Variants in DENND2B observed in about 807,000 individuals in gnomAD.
The protein encoded by DENND2B is DENN domain-containing protein 2B.
In DENND2B, 32 loss-of-function variants were observed where a neutral mutation model predicts 116.0. That is an observed-to-expected ratio of 0.28 (90% CI 0.21 to 0.37). DENND2B has a LOEUF of 0.37. Among genes scored for constraint, DENND2B ranks in the 10% least tolerant of loss-of-function variants. The pLI is 1.00. For missense variants in DENND2B, 1,276 were observed against 1,477.7 expected, an observed-to-expected ratio of 0.86 and a Z score of 2.24; for synonymous variants, 588 against 583.9, an observed-to-expected ratio of 1.01 and a Z score of -0.10.
chr11:8,827,445 C>T (rs868512449), intron 4 of DENND2B, among the ~76,000 whole-genome samples: 32 of 152,216 alleles, frequency 2.1e-4, no homozygotes, highest in African/African-American at 7.5e-4. Flanking sequence ...AAGATTATAG[C>T]CACTCATCTC....
At chr11:8,761,857 C>T (rs758513219) in intron 1 of DENND2B, among the ~76,000 whole-genome samples, 6 of 152,164 alleles carry the variant, frequency 3.9e-5, no homozygotes, top group Non-Finnish European at 7.3e-5. Flanking sequence ...AGATAGCTTA[C>T]GGAGACTACT....
At chr11:8,701,347 G>C (rs1372338031) in intron 14 of DENND2B, among the ~76,000 whole-genome samples, 4 of 44,348 alleles carry the variant, frequency 9.0e-5, no homozygotes, top group African/African-American at 1.7e-4. Flanking sequence ...CAGCTTCCGG[G>C]GGGGGGGGGG....
chr11:8,696,782 T>C, intron 17 of DENND2B, 116 bp from the exon 18 acceptor site: 4 of 1,466,912 alleles, frequency 2.7e-6, no homozygotes, highest in Non-Finnish European at 3.7e-6. Context: ...ACCACTCTTC[T>C]GTTCTGGAAG....
intron 1 of DENND2B, among the ~76,000 whole-genome samples, chr11:8,902,119 A>G (rs2064177690): frequency 6.6e-6 from 1 of 152,054 alleles, no homozygotes; most frequent in African/African-American, 2.4e-5. Flanking sequence ...TGAGGTCAGG[A>G]GTTCAAGACC....
At chr11:8,720,249 T>TTCCATCCTTCCCTCC (rs2045925834) in intron 4 of DENND2B, among the ~76,000 whole-genome samples, 1 of 152,154 alleles carries the variant, frequency 6.6e-6, no homozygotes, top group Admixed American at 6.5e-5. Context: ...CCTCTTTTTT[T>TTCCATCCTTCCCTCC]TCCATCCTTC....
At chr11:8,810,806 G>GTCTCTCTCTCTCTCTCTCTCTCTCTC (rs34550908), upstream of DENND2B, 21 of 140,316 alleles carry the variant, frequency 1.5e-4, 1 homozygote, top group African/African-American at 5.8e-4. Context: ...CTTTCTCACT[G>GTCTCTCTCTCTCTCTCTCTCTCTCTC]TCTCTCTCTC....
intron 3 of DENND2B, among the ~76,000 whole-genome samples, chr11:8,840,325 C>T (rs1315646752): frequency 6.6e-6 from 1 of 152,082 alleles, no homozygotes; most frequent in East Asian, 1.9e-4. Context: ...AATTCCAGGG[C>T]ACCAAGACCA....
chr11:8,798,635 GA>G (rs989243758), intron 1 of DENND2B, among the ~76,000 whole-genome samples: 1 of 151,976 alleles, frequency 6.6e-6, no homozygotes, highest in Non-Finnish European at 1.5e-5. Flanking sequence ...AAGAAGTCTG[GA>G]TATCACTGCT....
chr11:8,730,187 C>T lies in DENND2B; in HGVS notation c.1103G>A (p.Ser368Asn). Reference protein sequence around the residue: ...GSTKPGTPGNSPSSQRLPSKS... With the variant: ...GSTKPGTPGNNPSSQRLPSKS... Reference sequence around the variant, plus strand: ...CGATGGCAGCCGCTGGGAGCTAGGGCTATTTCCAGGGGTCCCGGGCTTAGT... The same window carrying T: ...CGATGGCAGCCGCTGGGAGCTAGGGTTATTTCCAGGGGTCCCGGGCTTAGT... The change falls in exon 3 of 20, where the codon AGC (serine) becomes AAC (asparagine). Residue 368 changes from serine to asparagine, a missense_variant. Ser to Asn is a conservative substitution (Grantham distance 46). Transcript: ENST00000313726. The surrounding 1 kb of genome is among the most constrained non-coding windows in gnomAD (Gnocchi z 4.1). The T allele has an allele frequency of 6.2e-7, 1 of 1,613,868 alleles. No individual in the cohort carries two copies. Among genetic ancestry groups the T allele is most frequent in the Non-Finnish European group, 8.5e-7 (1 of 1,179,824 alleles).
In DENND2B at chr11:8,731,179, G is replaced by C; in HGVS notation, c.111C>G (p.Leu37=). 1 of 1,528,474 alleles carries C rather than the reference G, an allele frequency of 6.5e-7. No individual in the cohort carries two copies. The highest frequency in any genetic ancestry group is 8.8e-7 in the Non-Finnish European group (1 of 1,138,656). 94.7% of individuals were successfully genotyped at this position (1,528,474 alleles called of 1,614,324 possible). A position where few individuals can be genotyped will look rare whatever the true frequency, so the allele number is the denominator to read the frequency against. The stretch of plus-strand genomic sequence containing the variant: ...GGTAGATGGGACTCCTTGGTGGGGA[G>C]AGAACTGGAGGTGGAGAGACTGACT... ...RSQSVSPPPV[L]SPPRSPIYPL... is the part of the protein sequence containing the mutation. Residue 37 remains leucine (L), a synonymous_variant, in exon 3 of 20, where the codon CTC becomes CTG. Coordinates refer to ENST00000313726, the MANE Select transcript of DENND2B (RefSeq NM_213618.2).
intron 4 of DENND2B, chr11:8,830,578 G>A (rs1358710948): frequency 1.3e-5 from 2 of 152,232 alleles, no homozygotes; most frequent in Non-Finnish European, 2.9e-5. Flanking sequence ...CCTGATGGTG[G>A]AAAGAAAGAT....
At chr11:8,758,663 A>C (rs1222746966) in intron 1 of DENND2B, among the ~76,000 whole-genome samples, 1 of 152,192 alleles carries the variant, frequency 6.6e-6, no homozygotes, top group Non-Finnish European at 1.5e-5. Context: ...GAAAAATGAG[A>C]AAATTTACCA....
At chr11:8,753,589 T>C (rs1056510564) in intron 1 of DENND2B, among the ~76,000 whole-genome samples, 3 of 152,040 alleles carry the variant, frequency 2.0e-5, no homozygotes, top group African/African-American at 7.2e-5. Context: ...ATGCAAGGGA[T>C]ACAGGACAGC....
rs1164229441 is a variant in DENND2B at position 8,714,683 on chromosome 11, G to A, written c.1869C>T (p.Ile623=). 6.2e-7 allele frequency: 1 copy of A among 1,614,206 alleles called. No homozygotes were observed. Among genetic ancestry groups the A allele is most frequent in the South Asian group, 1.1e-5 (1 of 91,080 alleles). ...IPKLVQRINS[I]YNAKRGKKRL... is the part of the protein sequence containing the mutation. Reference sequence around the variant, plus strand: ...TCTTCTTTCCTCTCTTGGCATTGTAGATGGAGTTAATTCTTTGGACAAGCT... The same window carrying A: ...TCTTCTTTCCTCTCTTGGCATTGTAAATGGAGTTAATTCTTTGGACAAGCT... Residue 623 remains isoleucine, a synonymous_variant, in exon 7 of 20, where the codon ATC becomes ATT. Transcript: ENST00000313726.
chr11:8,893,032 C>T (rs1427588794), intron 1 of DENND2B, among the ~76,000 whole-genome samples: 4 of 152,260 alleles, frequency 2.6e-5, no homozygotes, highest in African/African-American at 9.6e-5. Flanking sequence ...AGCAGCACAT[C>T]GAAAAGCTTA....
rs376894303 is a variant in DENND2B, at chr11:8,721,599, T to A, written c.1478-3707A>T. ...GAAAGGGCCAGGATAAGAGCCCAAC[T>A]CCCTGGCAACAGATCAGACTGGGGC... On this transcript the variant is annotated intron_variant, in intron 4 of 19. Transcript: ENST00000313726. Among the ~76,000 whole-genome samples the A allele has an allele frequency of 5.9e-4, 90 of 152,236 alleles. No homozygotes were observed. In the South Asian group the frequency reaches 0.017, roughly 29 times the overall value.
At chr11:8,718,532 A>C in intron 4 of DENND2B, 2 of 1,439,434 alleles carry the variant, frequency 1.4e-6, no homozygotes, top group Non-Finnish European at 1.8e-6. Flanking sequence ...TTCAGTAATG[A>C]TCTGTTCGAT....
intron 1 of DENND2B, among the ~76,000 whole-genome samples, chr11:8,894,784 C>T (rs1463417515): frequency 1.3e-5 from 2 of 152,156 alleles, no homozygotes; most frequent in Non-Finnish European, 2.9e-5. Context: ...AATAGGAACA[C>T]TTTTACACTG....
chr11:8,791,273 T>C (rs1483437845), intron 1 of DENND2B, among the ~76,000 whole-genome samples: 1 of 152,120 alleles, frequency 6.6e-6, no homozygotes, highest in Non-Finnish European at 1.5e-5. Context: ...GTCAATACAA[T>C]TGCACATAGG....
Sources: gnomAD v4.1 joint callset for allele counts (sites outside exome capture counted in the v4.1 genomes callset) on GRCh38, gnomAD v4.1.1 for gene constraint, Gnocchi (gnomAD v3.1) non-coding constraint, MANE v1.5 for transcripts, NCBI Gene and HGNC (gene_info 2026-07-23, HGNC 2026-07-21) for gene names.